The following UTRN variants were observed in gnomAD, a reference collection of about 807,000 sequenced individuals.
UTRN encodes the protein dystrophin-related protein 1.
A neutral mutation model predicts 463.9 loss-of-function variants in UTRN; 283 were observed. The observed-to-expected ratio is 0.61, with a 90% confidence interval of 0.55 to 0.67. UTRN has a LOEUF of 0.67. Among genes scored for constraint, UTRN ranks in the 30% least tolerant of loss-of-function variants. UTRN has a pLI of 0.00. For missense variants in UTRN, 3,922 were observed against 4,084.3 expected, an observed-to-expected ratio of 0.96 and a Z score of 1.08; for synonymous variants, 1,442 against 1,431.5, an observed-to-expected ratio of 1.01 and a Z score of -0.17.
chr6:144,844,566 G>A (rs772818544), intron 73 of UTRN, among the ~76,000 whole-genome samples: 2 of 152,118 alleles, frequency 1.3e-5, no homozygotes, highest in Non-Finnish European at 2.9e-5. Flanking sequence ...ACCACACCCG[G>A]CCCCAATACA....
chr6:144,764,833 A>G (rs1480544582), intron 58 of UTRN, among the ~76,000 whole-genome samples: 1 of 152,168 alleles, frequency 6.6e-6, no homozygotes, highest in East Asian at 1.9e-4. Flanking sequence ...ATTTTTTTTA[A>G]TAAAAAGCTA....
chr6:144,850,212 G>A (rs920533577), intron 74 of UTRN, among the ~76,000 whole-genome samples: 1 of 152,182 alleles, frequency 6.6e-6, no homozygotes, highest in Non-Finnish European at 1.5e-5. Flanking sequence ...GCATACCTGG[G>A]AAAAGGAGGG....
intron 53 of UTRN, among the ~76,000 whole-genome samples, chr6:144,714,641 C>T (rs1028135115): frequency 7.2e-5 from 11 of 152,146 alleles, no homozygotes; most frequent in African/African-American, 7.2e-5. Context: ...GCTTGCATTG[C>T]GAAGAACATT....
intron 52 of UTRN, among the ~76,000 whole-genome samples, chr6:144,691,051 A>G (rs771171476): frequency 1.2e-4 from 18 of 152,178 alleles, no homozygotes; most frequent in Non-Finnish European, 2.5e-4. Flanking sequence ...AATGCTTCCA[A>G]TTCAACATCT....
chr6:144,639,527 C>T lies in UTRN; in HGVS notation c.7480-38879C>T, dbSNP rs767908766. Among the ~76,000 whole-genome samples the T allele has an allele frequency of 5.8e-4, 88 of 152,210 alleles. 1 individual carries two copies. Among genetic ancestry groups the T allele is most frequent in the Non-Finnish European group, 9.9e-4 (67 of 68,020 alleles). On this transcript the variant is annotated intron_variant, in intron 51 of 74. Transcript: ENST00000367545. ...CATACAAGTTCGTGATTCAACAGACCCTTTAAAACTCAAATCTGTTTCCCT... is the reference window on the plus strand; with the variant it reads ...CATACAAGTTCGTGATTCAACAGACTCTTTAAAACTCAAATCTGTTTCCCT...
chr6:144,805,939 C>T (rs1188282405), intron 65 of UTRN, among the ~76,000 whole-genome samples: 1 of 152,028 alleles, frequency 6.6e-6, no homozygotes, highest in East Asian at 1.9e-4. Flanking sequence ...GTATAGAACC[C>T]TGGGGATCAT....
chr6:144,534,173 G>A (rs913482580), intron 43 of UTRN, among the ~76,000 whole-genome samples: 5 of 152,064 alleles, frequency 3.3e-5, no homozygotes, highest in Admixed American at 2.0e-4. Context: ...CTATTATTTT[G>A]TGTGTTTTGG....
chr6:144,730,472 T>C lies in UTRN; in HGVS notation c.7925T>C (p.Leu2642Pro), dbSNP rs376465761. ...GCCCCTGAAGAGCCAAGAAGAAACC[T>C]ACAATCAAAAACAGGTGAGACTGGT... ...IEAPEEPRRN[L>P]QSKTELTPEE... Residue 2642 changes from leucine (L) to proline (P), a missense_variant, in exon 54 of 75, where the codon CTA (leucine) becomes CCA (proline). Leu to Pro is a moderately conservative substitution (Grantham distance 98, BLOSUM62 -3). Around this residue, in one of 3 missense-constraint regions of UTRN, gnomAD observed 1,309 missense variants for 1,452.6 expected, o/e 0.90. Coordinates refer to ENST00000367545, the MANE Select transcript of UTRN (RefSeq NM_007124.3). 4 of 1,607,828 alleles carry C rather than the reference T, an allele frequency of 2.5e-6. No homozygotes were observed. The highest frequency in any genetic ancestry group is 2.5e-6 in the Non-Finnish European group (3 of 1,176,822).
chr6:144,452,101 A>G (rs1179404799), intron 18 of UTRN, among the ~76,000 whole-genome samples: 1 of 152,178 alleles, frequency 6.6e-6, no homozygotes, highest in African/African-American at 2.4e-5. Flanking sequence ...GTCTCCTGCC[A>G]TCTTAAGAGG....
At chr6:144,504,644 G>C (rs543279876) in intron 34 of UTRN, among the ~76,000 whole-genome samples, 6 of 152,320 alleles carry the variant, frequency 3.9e-5, no homozygotes, top group African/African-American at 1.2e-4. Context: ...TTGATATGCT[G>C]CTGGATTCAG....
intron 3 of UTRN, among the ~76,000 whole-genome samples, chr6:144,411,742 G>A (rs942294378): frequency 2.6e-5 from 4 of 152,070 alleles, no homozygotes; most frequent in Admixed American, 2.0e-4. Flanking sequence ...TGTAGTTAAT[G>A]AGGCATACTC....
In UTRN at chr6:144,700,353, C is replaced by CG. The variant is rs140602113; in HGVS notation, c.7809+110_7809+111insG. On this transcript the variant is annotated intron_variant, in intron 53 of 74. Transcript: ENST00000367545. ...GTTGAACCAATTATCACAGGATTCC[C>CG]CCCCCCACCACCGTCTGCTTTTAGT... is the stretch of plus-strand genomic sequence containing the variant. The CG allele has an allele frequency of 0.21, 265,830 of 1,243,692 alleles. 32,912 individuals are homozygous for CG. The highest frequency in any genetic ancestry group is 0.51 in the Admixed American group (20,589 of 40,054). 77.0% of individuals were successfully genotyped at this position (1,243,692 alleles called of 1,614,324 possible).
chr6:144,752,514 T>C (rs1003813344), intron 56 of UTRN, among the ~76,000 whole-genome samples: 1 of 152,164 alleles, frequency 6.6e-6, no homozygotes, highest in African/African-American at 2.4e-5. Flanking sequence ...TTGAGAGATA[T>C]ATTTTATCTA....
At chr6:144,817,653 G>A (rs1779205286) in intron 65 of UTRN, among the ~76,000 whole-genome samples, 1 of 151,974 alleles carries the variant, frequency 6.6e-6, no homozygotes, top group Admixed American at 6.6e-5. Flanking sequence ...TGCAAAAATG[G>A]GTTAAATTCA....
chr6:144,748,558 T>A (rs1198896073), intron 55 of UTRN, 44 bp downstream of exon 55: 38 of 1,585,834 alleles, frequency 2.4e-5, no homozygotes, highest in Non-Finnish European at 3.2e-5. Flanking sequence ...AATGTTTTCT[T>A]GTTAAATATA....
chr6:144,661,465 G>A (rs1196374023), intron 51 of UTRN, among the ~76,000 whole-genome samples: 2 of 152,052 alleles, frequency 1.3e-5, no homozygotes, highest in African/African-American at 2.4e-5. Flanking sequence ...AACACAGGGC[G>A]GACTTCGACC....
chr6:144,551,421 CT>C (rs1191872109), intron 48 of UTRN, among the ~76,000 whole-genome samples: 4 of 152,138 alleles, frequency 2.6e-5, no homozygotes, highest in Non-Finnish European at 5.9e-5. Flanking sequence ...AATGCAAATC[CT>C]TTCTCTCATT....
chr6:144,530,869 C>G (rs1481907166), intron 41 of UTRN, among the ~76,000 whole-genome samples, 183 bp from the exon 42 acceptor site: 2 of 152,038 alleles, frequency 1.3e-5, no homozygotes, highest in East Asian at 3.9e-4. Context: ...ATGCATATAT[C>G]TCTAGGAGGA....
chr6:144,634,914 A>G (rs76730532), intron 51 of UTRN, among the ~76,000 whole-genome samples: 1 of 152,200 alleles, frequency 6.6e-6, no homozygotes, highest in Non-Finnish European at 1.5e-5. Context: ...TTGTCCACTC[A>G]TCAGTCGATG....
Sources: allele counts gnomAD v4.1 joint callset (sites outside exome capture counted in the v4.1 genomes callset), GRCh38; gene constraint gnomAD v4.1.1; regional missense constraint gnomAD v4.1.1; transcripts MANE v1.5; gene names NCBI Gene and HGNC (gene_info 2026-07-23, HGNC 2026-07-21).